C16orf96: variants seen among roughly 807,000 people sequenced by gnomAD.
The protein encoded by C16orf96 is chromosome 16 open reading frame 96.
Under a neutral mutation model 103.6 loss-of-function variants are expected in C16orf96, and 108 were observed. That is an observed-to-expected ratio of 1.04 (90% CI 0.89 to 1.22). The LOEUF (loss-of-function observed/expected upper bound fraction) is 1.22. Among genes scored for constraint, C16orf96 ranks in the 50% most tolerant of loss-of-function variants. C16orf96 has a pLI of 0.00. For missense variants in C16orf96, 1,586 were observed against 1,464.2 expected (o/e 1.08, Z -1.36); for synonymous variants, 566 against 593.5 (o/e 0.95, Z 0.67).
intron 1 of C16orf96, among the ~76,000 whole-genome samples, chr16:4,566,773 C>T (rs577168575): frequency 2.6e-5 from 4 of 152,088 alleles, no homozygotes; most frequent in African/African-American, 9.6e-5. Flanking sequence ...GTCCATTTCA[C>T]CTAAATTATA....
chr16:4,549,488 AAAC>A, the C16orf96 span, among the ~76,000 whole-genome samples: 8 of 151,118 alleles, frequency 5.3e-5, no homozygotes, highest in African/African-American at 9.7e-5. Context: ...AAAAAAAAAA[AAAC>A]AACCAACCAG....
chr16:4,541,351 C>A, the C16orf96 span, among the ~76,000 whole-genome samples: 9 of 152,192 alleles, frequency 5.9e-5, no homozygotes, highest in African/African-American at 2.2e-4. Flanking sequence ...AAAATCAATA[C>A]TTGTGGTGCT....
At position 4,593,195 on chromosome 16, in the gene C16orf96, G is replaced by T; in HGVS notation, c.2775-29G>T. The T allele has an allele frequency of 6.5e-7, 1 of 1,547,806 alleles. No homozygotes were observed. On this transcript the variant is annotated intron_variant, in intron 11 of 15. Coordinates refer to ENST00000444310, the MANE Select transcript of C16orf96 (RefSeq NM_001145011.2). The surrounding 1 kb of genome is among the most constrained non-coding windows in gnomAD (Gnocchi z 4.2). ...CTGCTGGCCTAGCACGCCTCCCACA[G>T]CCCCTGCTGTGCCCTTGTCCTCCAA...
At chr16:4,581,291 C>A (rs1221206010) in intron 7 of C16orf96, among the ~76,000 whole-genome samples, 1 of 148,624 alleles carries the variant, frequency 6.7e-6, no homozygotes, top group African/African-American at 2.5e-5. Flanking sequence ...GCTGAGATTG[C>A]GCCATTGCAT....
At chr16:4,563,870 C>T (rs2059359570) in intron 1 of C16orf96, among the ~76,000 whole-genome samples, 1 of 151,414 alleles carries the variant, frequency 6.6e-6, no homozygotes, top group African/African-American at 2.4e-5. Context: ...TGCCCGGCCT[C>T]TGTTGACTTT....
At position 4,600,439 on chromosome 16, in the gene C16orf96, C is replaced by A. The variant is rs980691796; in HGVS notation, c.*122C>A. Reference sequence around the variant, plus strand: ...GGAGGCTGAGGCCTATGTGGCCCCCCACCCCCACCCCCACCAAGTCCCCTC... The same window carrying A: ...GGAGGCTGAGGCCTATGTGGCCCCCAACCCCCACCCCCACCAAGTCCCCTC... On this transcript the variant is annotated 3_prime_UTR_variant, in exon 16 of 16. Coordinates refer to ENST00000444310, the MANE Select transcript of C16orf96 (RefSeq NM_001145011.2). The A allele has an allele frequency of 6.4e-6, 4 of 621,618 alleles. No homozygotes were observed. In the African/African-American group the frequency reaches 8.2e-5, roughly 13 times the overall value. The allele number at this position is 621,618 out of a possible 1,614,324, so 38.5% of individuals were successfully genotyped here.
intron 14 of C16orf96, among the ~76,000 whole-genome samples, chr16:4,596,720 A>G (rs1448736598): frequency 1.3e-5 from 2 of 152,024 alleles, no homozygotes; most frequent in Non-Finnish European, 2.9e-5. Flanking sequence ...AGAACAGAAC[A>G]AAACCAAACA....
intron 14 of C16orf96, among the ~76,000 whole-genome samples, chr16:4,598,134 T>C (rs1897211999): frequency 6.6e-6 from 1 of 152,108 alleles, no homozygotes; most frequent in Non-Finnish European, 1.5e-5. Flanking sequence ...TGAGGATCAC[T>C]TGAGCCCAGA....
chr16:4,594,697 C>G lies in C16orf96; in HGVS notation c.3028-7C>G. ...CTCCCTAACCCGGGACCTGGGCCAT[C>G]CAACAGGCCGAGGTGGACATCCTGG... On this transcript the variant is annotated splice_region_variant and splice_polypyrimidine_tract_variant and intron_variant, in intron 13 of 15. Transcript: ENST00000444310. The G allele has an allele frequency of 1.3e-6, 2 of 1,551,200 alleles. No individual in the cohort carries two copies. The highest frequency in any genetic ancestry group is 2.7e-5 in the African/African-American group (2 of 73,148).
At chr16:4,580,230 G>A (rs2059567156) in intron 7 of C16orf96, 105 bp downstream of exon 7, 2 of 853,414 alleles carry the variant, frequency 2.3e-6, no homozygotes, top group African/African-American at 1.8e-5. Context: ...GGATGCACTT[G>A]AGGCTGGGAA....
At chr16:4,592,450 C>A in intron 11 of C16orf96, 83 bp downstream of exon 11, 1 of 1,434,928 alleles carries the variant, frequency 7.0e-7, no homozygotes, top group Admixed American at 2.0e-5. Context: ...CCATGTGCAC[C>A]GTTCCATGCA....
chr16:4,549,374 G>A, the C16orf96 span, among the ~76,000 whole-genome samples: 1 of 151,676 alleles, frequency 6.6e-6, no homozygotes, highest in African/African-American at 2.4e-5. Context: ...TCGGGAGGCT[G>A]AGGCAGGAGA....
In C16orf96 at chr16:4,594,781, G is replaced by T. The variant is rs575780519; in HGVS notation, c.3105G>T (p.Leu1035Phe). The change falls in exon 14 of 16, where the codon TTG becomes TTT. Residue 1035 changes from leucine to phenylalanine, a missense_variant. Physicochemically the swap from Leu to Phe is conservative, Grantham distance 22. Coordinates refer to ENST00000444310, the MANE Select transcript of C16orf96 (RefSeq NM_001145011.2). The part of the protein sequence containing the change: ...RVNSQRGAQP[L>F]AVAKELAAVK... ...ACAGCCAGCGTGGGGCTCAGCCCTT[G>T]GCCGTCGCAAAGGAGCTGGCAGGTG... 1,052 of 1,550,726 alleles carry T rather than the reference G, an allele frequency of 6.8e-4. 3 individuals are homozygous for T. In the African/African-American group the frequency reaches 9.7e-3, roughly 14 times the overall value.
Position 4,600,364 on chromosome 16 carries a change from A to G in C16orf96, c.*47A>G. On this transcript the variant is annotated 3_prime_UTR_variant, in exon 16 of 16. Coordinates refer to ENST00000444310, the MANE Select transcript of C16orf96 (RefSeq NM_001145011.2). ...CATCGCCAAGTCCCCTCCACGTCCGAGGCTGAGGCCCATGTGGCCCTCCCA... is the reference window on the plus strand; with the variant it reads ...CATCGCCAAGTCCCCTCCACGTCCGGGGCTGAGGCCCATGTGGCCCTCCCA... 1 of 1,368,914 alleles carries G rather than the reference A, an allele frequency of 7.3e-7. No homozygotes were observed. The highest frequency in any genetic ancestry group is 1.0e-6 in the Non-Finnish European group (1 of 1,002,420). The allele number at this position is 1,368,914 out of a possible 1,614,324, so 84.8% of individuals were successfully genotyped here. A position where few individuals can be genotyped will look rare whatever the true frequency, so the allele number is the denominator to read the frequency against.
At chr16:4,587,557 GAAAA>G (rs1425053639) in intron 8 of C16orf96, among the ~76,000 whole-genome samples, 28 of 139,984 alleles carry the variant, frequency 2.0e-4, no homozygotes, top group African/African-American at 6.8e-4. Flanking sequence ...AAGAAAGAAA[GAAAA>G]AGAAAGAAAA....
intron 2 of C16orf96, 76 bp from the exon 3 acceptor site, chr16:4,574,633 C>T: frequency 8.5e-7 from 1 of 1,178,672 alleles, no homozygotes; most frequent in Non-Finnish European, 1.2e-6. Context: ...AGCTCTTAGT[C>T]ACCTAGAGCC....
At chr16:4,586,376 T>G (rs1007064314) in intron 7 of C16orf96, among the ~76,000 whole-genome samples, 1 of 152,212 alleles carries the variant, frequency 6.6e-6, no homozygotes, top group Non-Finnish European at 1.5e-5. Flanking sequence ...GCAGCTGGGT[T>G]CCAGCTAAAA....
Position 4,581,660 on chromosome 16 carries a change from C to G in C16orf96, c.2352+1535C>G, listed in dbSNP as rs981061142. ...AAAACAAAAACAAAAACAAAAAAAC[C>G]TAGCTGGATGTGGTGGCTCATACCT... On this transcript the variant is annotated intron_variant, in intron 7 of 15. Transcript: ENST00000444310. 4.6e-5 allele frequency among the ~76,000 whole-genome samples: 7 copies of G among 151,488 alleles called. No individual in the cohort carries two copies. The South Asian group carries it at 1.0e-3, about 23-fold the overall frequency.
chr16:4,542,856 T>C, the C16orf96 span, among the ~76,000 whole-genome samples: 1 of 152,162 alleles, frequency 6.6e-6, no homozygotes, highest in African/African-American at 2.4e-5. Context: ...TGAAATGCAG[T>C]GTGTACTTTA....
Sources: allele counts gnomAD v4.1 joint callset (sites outside exome capture counted in the v4.1 genomes callset), GRCh38; gene constraint gnomAD v4.1.1; non-coding constraint Gnocchi (gnomAD v3.1); transcripts MANE v1.5; gene names NCBI Gene and HGNC (gene_info 2026-07-23, HGNC 2026-07-21).